The following WNT7B variants were observed in gnomAD, a reference collection of about 807,000 sequenced individuals.
WNT7B encodes Wnt family member 7B, also known as protein Wnt-7b.
In WNT7B, 19 loss-of-function variants were observed where a neutral mutation model predicts 38.2. The observed-to-expected ratio is 0.50, with a 90% confidence interval of 0.35 to 0.73. WNT7B has a LOEUF of 0.73. Ranked by LOEUF, WNT7B falls within the 30% of genes least tolerant of loss-of-function variation. WNT7B has a pLI of 0.01. For missense variants in WNT7B, 423 were observed against 507.9 expected (o/e 0.83, Z 1.61); for synonymous variants, 243 against 209.3 (o/e 1.16, Z -1.39).
chr22:45,936,546 T>G (rs1931518849), intron 2 of WNT7B, among the ~76,000 whole-genome samples: 1 of 152,358 alleles, frequency 6.6e-6, no homozygotes, highest in Non-Finnish European at 1.5e-5. Context: ...AGAAATTGCC[T>G]GGCCATGCAA....
At position 45,922,992 on chromosome 22, in the gene WNT7B, T is replaced by C; in HGVS notation, c.914A>G (p.Asp305Gly). 4.3e-6 allele frequency: 7 copies of C among 1,613,160 alleles called. No individual in the cohort carries two copies. The highest frequency in any genetic ancestry group is 5.9e-6 in the Non-Finnish European group (7 of 1,179,802). Residue 305 changes from aspartate (D) to glycine (G), a missense_variant, in exon 4 of 4, where the codon GAC (aspartate) becomes GGC (glycine). By Grantham distance (94) the Asp-to-Gly change is moderately conservative. Transcript: ENST00000339464. ...NRTSPGADGCDTMCCGRGYNT... is the reference protein window; with the variant it reads ...NRTSPGADGCGTMCCGRGYNT... ...GTAGCCTCGGCCGCAGCACATGGTG[T>C]CACAGCCGTCCGCGCCGGGCGACGT...
intron 1 of WNT7B, among the ~76,000 whole-genome samples, chr22:45,974,448 T>C (rs1326919316): frequency 6.6e-6 from 1 of 152,202 alleles, no homozygotes; most frequent in Non-Finnish European, 1.5e-5. Context: ...TTCTCTCCAT[T>C]CCTGGCGGGC....
chr22:45,967,913 A>C (rs1932348314), intron 1 of WNT7B, among the ~76,000 whole-genome samples: 1 of 151,668 alleles, frequency 6.6e-6, no homozygotes, highest in Non-Finnish European at 1.5e-5. Flanking sequence ...CCCTGATTCC[A>C]CTCCCCGTGG....
At chr22:45,931,407 G>T in intron 2 of WNT7B, 38 bp from the exon 3 acceptor site, 1 of 1,541,334 alleles carries the variant, frequency 6.5e-7, no homozygotes, top group Non-Finnish European at 8.7e-7. Flanking sequence ...GAGACCCCAG[G>T]CCCTGGGCCA....
chr22:45,942,647 A>C (rs781629075), intron 2 of WNT7B, among the ~76,000 whole-genome samples: 2 of 152,170 alleles, frequency 1.3e-5, no homozygotes, highest in Non-Finnish European at 2.9e-5. Context: ...CACACCCTGC[A>C]CCTAATTCTG....
At position 45,931,198 on chromosome 22, in the gene WNT7B, C is replaced by G. The variant is rs574645578; in HGVS notation, c.470G>C (p.Arg157Pro). ...WKWGGCSADVRYGIDFSRRFV... is the reference protein window; with the variant it reads ...WKWGGCSADVPYGIDFSRRFV... Reference sequence around the variant, plus strand: ...GCGCCGGGAGAAGTCGATGCCGTAACGCACGTCGGCCGAGCAGCCGCCCCA... The same window carrying G: ...GCGCCGGGAGAAGTCGATGCCGTAAGGCACGTCGGCCGAGCAGCCGCCCCA... Residue 157 changes from arginine to proline, a missense_variant, in exon 3 of 4, where the codon CGT becomes CCT. Physicochemically the swap from Arg to Pro is moderately radical, Grantham distance 103. Coordinates refer to ENST00000339464, the MANE Select transcript of WNT7B (RefSeq NM_058238.3). 1.9e-6 allele frequency: 3 copies of G among 1,599,496 alleles called. No individual in the cohort carries two copies. Among genetic ancestry groups the G allele is most frequent in the African/African-American group, 1.3e-5 (1 of 75,044 alleles).
At chr22:45,958,225 C>T (rs1196191587) in intron 1 of WNT7B, among the ~76,000 whole-genome samples, 3 of 152,106 alleles carry the variant, frequency 2.0e-5, no homozygotes, top group Non-Finnish European at 4.4e-5. Context: ...AGACCCTCAC[C>T]TGGGCGACAC....
intron 1 of WNT7B, among the ~76,000 whole-genome samples, chr22:45,970,614 G>A (rs1457731158): frequency 7.1e-6 from 1 of 139,978 alleles, no homozygotes; most frequent in Admixed American, 7.5e-5. Flanking sequence ...TATGAACACC[G>A]AACCTCAGCC....
At chr22:45,927,166 C>T (rs149629489) in intron 3 of WNT7B, 21,392 of 985,440 alleles carry the variant, frequency 0.022, 250 homozygotes, top group Non-Finnish European at 0.024. Context: ...GCCTGCCCCA[C>T]GTAGCAGTGG....
intron 2 of WNT7B, among the ~76,000 whole-genome samples, chr22:45,947,413 G>C (rs954246336): frequency 4.6e-5 from 7 of 152,258 alleles, no homozygotes; most frequent in Non-Finnish European, 1.0e-4. Flanking sequence ...AGAGCCCTGA[G>C]GTGTATGGGG....
At chr22:45,963,979 C>G (rs996780495) in intron 1 of WNT7B, among the ~76,000 whole-genome samples, 5 of 152,100 alleles carry the variant, frequency 3.3e-5, no homozygotes. Context: ...GGGGAGCCCC[C>G]AGGCCACAAG....
intron 1 of WNT7B, among the ~76,000 whole-genome samples, chr22:45,961,276 C>T (rs1932190055): frequency 6.6e-6 from 1 of 152,312 alleles, no homozygotes; most frequent in East Asian, 1.9e-4. Flanking sequence ...GAGTTCCGCC[C>T]GGCCACCCCA....
At chr22:45,945,863 CG>C (rs1931781826) in intron 2 of WNT7B, among the ~76,000 whole-genome samples, 1 of 152,222 alleles carries the variant, frequency 6.6e-6, no homozygotes, top group Admixed American at 6.5e-5. Context: ...CAAACAGGAG[CG>C]GGTGACAGCT....
intron 3 of WNT7B, chr22:45,926,124 G>A (rs1190564879): frequency 2.0e-6 from 2 of 985,310 alleles, no homozygotes; most frequent in Non-Finnish European, 1.2e-6. Flanking sequence ...CAGAGCGAGG[G>A]GCCACATCCT....
chr22:45,949,078 C>T (rs1015305196), intron 2 of WNT7B, among the ~76,000 whole-genome samples: 6 of 152,056 alleles, frequency 3.9e-5, no homozygotes, highest in Admixed American at 6.5e-5. Flanking sequence ...TGATCCACCC[C>T]CCTCGTCCTC....
At chr22:45,968,096 G>A (rs1422857461) in intron 1 of WNT7B, among the ~76,000 whole-genome samples, 1 of 152,120 alleles carries the variant, frequency 6.6e-6, no homozygotes, top group Admixed American at 6.5e-5. Context: ...CCCTGGAGGG[G>A]AACCCCTGGT....
intron 2 of WNT7B, among the ~76,000 whole-genome samples, chr22:45,947,564 C>T (rs1046030332): frequency 2.0e-5 from 3 of 152,186 alleles, no homozygotes; most frequent in Non-Finnish European, 4.4e-5. Flanking sequence ...AGTGAGCCTG[C>T]GGCCAATAGG....
chr22:45,969,560 G>T (rs914660670), intron 1 of WNT7B, among the ~76,000 whole-genome samples: 1 of 152,254 alleles, frequency 6.6e-6, no homozygotes, highest in African/African-American at 2.4e-5. Flanking sequence ...CACAGAGAAG[G>T]CGAGGGCTGG....
In WNT7B at chr22:45,951,117, G is replaced by C. The variant is rs908778640; in HGVS notation, c.72-971C>G. Among the ~76,000 whole-genome samples the C allele has an allele frequency of 6.6e-6, 1 of 152,144 alleles. No individual in the cohort carries two copies. The highest frequency in any genetic ancestry group is 1.5e-5 in the Non-Finnish European group (1 of 68,018). Reference sequence around the variant, plus strand: ...CAGAGTTTCGGAGTCTCACTCTGTCGCGCAGGCTGGAGTGCAGTGGTGTGA... The same window carrying C: ...CAGAGTTTCGGAGTCTCACTCTGTCCCGCAGGCTGGAGTGCAGTGGTGTGA... On this transcript the variant is annotated intron_variant, in intron 1 of 3. Transcript: ENST00000339464. The surrounding 1 kb of genome is among the most constrained non-coding windows in gnomAD (Gnocchi z 4.8).
Sources: allele counts gnomAD v4.1 joint callset (sites outside exome capture counted in the v4.1 genomes callset), GRCh38; gene constraint gnomAD v4.1.1; non-coding constraint Gnocchi (gnomAD v3.1); transcripts MANE v1.5; gene names NCBI Gene and HGNC (gene_info 2026-07-23, HGNC 2026-07-21).